LHX6: variants seen among roughly 807,000 people sequenced by gnomAD.
LHX6 encodes LIM homeobox 6.
A neutral mutation model predicts 47.1 loss-of-function variants in LHX6; 15 were observed. The observed-to-expected ratio is 0.32, with a 90% CI of 0.21 to 0.49. The LOEUF is 0.49. LHX6 is among the 20% of genes least tolerant of loss of function. The pLI is 0.99. For synonymous variants in LHX6, 242 were observed against 233.5 expected, an observed-to-expected ratio of 1.04 and a Z score of -0.33; for missense variants, 404 against 539.6, an observed-to-expected ratio of 0.75 and a Z score of 2.49.
intron 9 of LHX6, 53 bp from the exon 10 acceptor site, chr9:122,204,833 C>A: frequency 7.5e-7 from 1 of 1,339,404 alleles, no homozygotes; most frequent in Non-Finnish European, 1.0e-6. Context: ...CCCCACCCTG[C>A]TGCCCCCCAG....
intron 4 of LHX6, among the ~76,000 whole-genome samples, chr9:122,225,325 A>G (rs1376339140): frequency 6.6e-6 from 1 of 152,248 alleles, no homozygotes; most frequent in Non-Finnish European, 1.5e-5. Flanking sequence ...ATTCTCCACC[A>G]TTCTCCTCTG....
At chr9:122,228,497 C>T in intron 1 of LHX6, 160 bp downstream of exon 1, 3 of 1,422,048 alleles carry the variant, frequency 2.1e-6, no homozygotes, top group Non-Finnish European at 2.7e-6. Context: ...CCCCCCCCCC[C>T]CGCTCGCGCG....
rs1400854970 is a variant in LHX6 at position 122,213,818 on chromosome 9, A to G, written c.880-38T>C. On this transcript the variant is annotated intron_variant, in intron 7 of 9. Coordinates refer to ENST00000394319, the MANE Select transcript of LHX6 (RefSeq NM_014368.5). The surrounding 1 kb of genome is among the most constrained non-coding windows in gnomAD (Gnocchi z 5.5). ...CCTCGGCAGCCTCAGCCTCGAGGAAAAGAGTCGGACGCGCCGCCGGGAGAC... is the reference window on the plus strand; with the variant it reads ...CCTCGGCAGCCTCAGCCTCGAGGAAGAGAGTCGGACGCGCCGCCGGGAGAC... 5 of 1,555,398 alleles carry G rather than the reference A, an allele frequency of 3.2e-6. No individual in the cohort carries two copies. The African/African-American group carries it at 4.1e-5, about 13-fold the overall frequency.
intron 1 of LHX6, chr9:122,228,094 C>G: frequency 1.7e-6 from 1 of 603,896 alleles, no homozygotes; most frequent in Non-Finnish European, 2.9e-6. Context: ...AAACCCCGAG[C>G]GCGGTGAGCA....
In LHX6 at chr9:122,226,691, G is replaced by GAC. The variant is rs1831116101; in HGVS notation, c.339+156_339+157insGT. ...TTCTTATTTTTCAGACGGAACCCGG[G>GAC]GGCTCAGGCAGACCCTAAGTCTTGC... On this transcript the variant is annotated intron_variant, in intron 3 of 9. Coordinates refer to ENST00000394319, the MANE Select transcript of LHX6 (RefSeq NM_014368.5). This position sits in a 1 kb window ranked among gnomAD's most constrained non-coding sequence, Gnocchi z 6.5. The GAC allele has an allele frequency of 8.3e-7, 1 of 1,209,246 alleles. No individual in the cohort carries two copies. 74.9% of individuals were successfully genotyped at this position (1,209,246 alleles called of 1,614,324 possible). A position where few individuals can be genotyped will look rare whatever the true frequency, so the allele number is the denominator to read the frequency against.
At chr9:122,225,707 C>T (rs758357722) in intron 4 of LHX6, among the ~76,000 whole-genome samples, 2 of 152,238 alleles carry the variant, frequency 1.3e-5, no homozygotes, top group Admixed American at 6.5e-5. Context: ...TGGGGGCCTG[C>T]GCATGACCCC....
At position 122,214,019 on chromosome 9, in the gene LHX6, C is replaced by G; in HGVS notation, c.834G>C (p.Leu278=). The change falls in exon 7 of 10, where the codon CTG becomes CTC. Residue 278 remains leucine (L), a synonymous_variant. Transcript: ENST00000394319. This position sits in a 1 kb window ranked among gnomAD's most constrained non-coding sequence, Gnocchi z 4.6. ...GGCCCGTCATGTCCGCCAGCTTCTG[C>G]AGCGTCTGAGCGTCGGGGTTGTTGT... ...AQDNNPDAQT[L]QKLADMTGLS... 1.2e-6 allele frequency: 2 copies of G among 1,600,726 alleles called. No homozygotes were observed. Among genetic ancestry groups the G allele is most frequent in the Non-Finnish European group, 1.7e-6 (2 of 1,178,748 alleles).
At chr9:122,210,164 C>T (rs10818650) in intron 8 of LHX6, among the ~76,000 whole-genome samples, 92,422 of 151,922 alleles carry the variant, frequency 0.61, 28,436 homozygotes, top group East Asian at 0.67. Flanking sequence ...ATGATCTGCC[C>T]GCCTCGGCCT....
chr9:122,226,479 G>A lies in LHX6; in HGVS notation c.358C>T (p.His120Tyr). 1 of 1,613,390 alleles carries A rather than the reference G, an allele frequency of 6.2e-7. No individual in the cohort carries two copies. ...ACGGAGCACTCGAGGCACCGCACGTGCCAGATGAGGTTGTTGACCTGGGGA... is the reference window on the plus strand; with the variant it reads ...ACGGAGCACTCGAGGCACCGCACGTACCAGATGAGGTTGTTGACCTGGGGA... ...YLLKVNNLIW[H>Y]VRCLECSVCR... The change falls in exon 4 of 10, where the codon CAC (histidine) becomes TAC (tyrosine). Residue 120 changes from histidine (H) to tyrosine (Y), a missense_variant. Around this residue, in one of 7 missense-constraint regions of LHX6, gnomAD observed 53 missense variants for 97.4 expected, o/e 0.54. Transcript: ENST00000394319. The surrounding 1 kb of genome is among the most constrained non-coding windows in gnomAD (Gnocchi z 6.5).
Position 122,212,830 on chromosome 9 carries a change from A to T in LHX6, c.1054+776T>A, listed in dbSNP as rs563658860. On this transcript the variant is annotated intron_variant, in intron 8 of 9. Transcript: ENST00000394319. ...CCCAGGAGCACAGAAGCTTTGGTCT[A>T]CTGTGTTCACTGTCGTATCCCAGTG... is the stretch of plus-strand genomic sequence containing the variant. 5.9e-5 allele frequency among the ~76,000 whole-genome samples: 9 copies of T among 152,292 alleles called. No homozygotes were observed. The South Asian group carries it at 1.7e-3, about 28-fold the overall frequency.
Position 122,214,513 on chromosome 9 carries a change from GGGT to G in LHX6, c.683-133_683-131del. On this transcript the variant is annotated intron_variant, in intron 5 of 9. Transcript: ENST00000394319. The surrounding 1 kb of genome is among the most constrained non-coding windows in gnomAD (Gnocchi z 4.6). Reference sequence around the variant, plus strand: ...GAGTTGGCTGGGAGCAGGGATCCCAGGGTCCTAGTCCCTGAGCTCAGTCTTTGG... The same window carrying G: ...GAGTTGGCTGGGAGCAGGGATCCCAGCCTAGTCCCTGAGCTCAGTCTTTGG... 1.5e-6 allele frequency: 2 copies of G among 1,305,926 alleles called. No homozygotes were observed. The highest frequency in any genetic ancestry group is 3.5e-5 in the Admixed American group (1 of 28,648). 80.9% of individuals were successfully genotyped at this position (1,305,926 alleles called of 1,614,324 possible).
At chr9:122,227,221 G>T (rs1250558635) in intron 2 of LHX6, 188 bp downstream of exon 2, 2 of 766,816 alleles carry the variant, frequency 2.6e-6, no homozygotes, top group South Asian at 2.1e-5. Flanking sequence ...TTTAACACGC[G>T]CATTCTGGGT....
In LHX6 at chr9:122,214,717, C is replaced by G. The variant is rs1414377002; in HGVS notation, c.683-334G>C. On this transcript the variant is annotated intron_variant, in intron 5 of 9. Transcript: ENST00000394319. This position sits in a 1 kb window ranked among gnomAD's most constrained non-coding sequence, Gnocchi z 4.6. ...CAACTAGAATCCGAAAGCTAGCTGA[C>G]CCTAATGTCCCAAACTGGGCTCCCT... 9.9e-5 allele frequency among the ~76,000 whole-genome samples: 15 copies of G among 152,130 alleles called. No homozygotes were observed. Among genetic ancestry groups the G allele is most frequent in the Admixed American group, 9.8e-4 (15 of 15,282 alleles).
intron 9 of LHX6, among the ~76,000 whole-genome samples, chr9:122,207,624 C>T (rs939011656): frequency 1.3e-5 from 2 of 152,264 alleles, no homozygotes; most frequent in Non-Finnish European, 2.9e-5. Context: ...CAGGATTTTA[C>T]GTTAGGCACT....
Position 122,228,756 on chromosome 9 carries a change from G to C in LHX6, c.-16C>G, listed in dbSNP as rs974613925. 4.0e-6 allele frequency: 5 copies of C among 1,244,760 alleles called. No homozygotes were observed. Among genetic ancestry groups the C allele is most frequent in the African/African-American group, 3.1e-5 (2 of 64,128 alleles). The allele number at this position is 1,244,760 out of a possible 1,614,324, so 77.1% of individuals were successfully genotyped here. On this transcript the variant is annotated 5_prime_UTR_variant, in exon 1 of 10. Coordinates refer to ENST00000394319, the MANE Select transcript of LHX6 (RefSeq NM_014368.5). ...TCCAGTACATGGGCCGGGGAACCTCGGGCTCAGCGGGCGCGCAGCGCGGAG... is the reference window on the plus strand; with the variant it reads ...TCCAGTACATGGGCCGGGGAACCTCCGGCTCAGCGGGCGCGCAGCGCGGAG...
intron 1 of LHX6, 189 bp downstream of exon 1, chr9:122,228,468 G>C: frequency 7.1e-7 from 1 of 1,416,534 alleles, no homozygotes; most frequent in Non-Finnish European, 9.1e-7. Flanking sequence ...TTTGCATAAT[G>C]TGTTCCCGCT....
At chr9:122,223,177 G>T (rs1025805557) in intron 4 of LHX6, among the ~76,000 whole-genome samples, 3 of 152,176 alleles carry the variant, frequency 2.0e-5, no homozygotes, top group African/African-American at 7.2e-5. Flanking sequence ...TTTGTTACAG[G>T]TGGGGCTGCC....
intron 8 of LHX6, among the ~76,000 whole-genome samples, 188 bp from the exon 9 acceptor site, chr9:122,209,905 T>C (rs1313136871): frequency 6.6e-6 from 1 of 151,874 alleles, no homozygotes; most frequent in Non-Finnish European, 1.5e-5. Context: ...AGACGGAGTC[T>C]CACCTTGTCG....
intron 1 of LHX6, chr9:122,228,213 G>T: frequency 6.7e-7 from 1 of 1,502,334 alleles, no homozygotes; most frequent in South Asian, 1.2e-5. Context: ...AGCAAAAAGA[G>T]AGCGAGATCG....
Sources: gnomAD v4.1 joint callset for allele counts (sites outside exome capture counted in the v4.1 genomes callset) on GRCh38, gnomAD v4.1.1 for gene constraint, gnomAD v4.1.1 regional missense constraint, Gnocchi (gnomAD v3.1) non-coding constraint, MANE v1.5 for transcripts, NCBI Gene and HGNC (gene_info 2026-07-23, HGNC 2026-07-21) for gene names.